Variants in B3GALT1 observed in about 807,000 individuals in gnomAD.
The protein encoded by B3GALT1 is UDP-Gal:betaGlcNAc beta 1,3-galactosyltransferase, polypeptide 1.
B3GALT1 carries 10 observed loss-of-function variants against 23.2 expected under a neutral mutation model. The ratio of observed to expected loss-of-function variants is 0.43; its 90% CI spans 0.27 to 0.73. The LOEUF (loss-of-function observed/expected upper bound fraction) is 0.73, where lower values mean the gene tolerates loss of function less well. Among genes scored for constraint, B3GALT1 ranks in the 30% least tolerant of loss-of-function variants. The pLI is 0.21. For missense variants in B3GALT1, 299 were observed against 405.4 expected, an observed-to-expected ratio of 0.74 and a Z score of 2.25; for synonymous variants, 156 against 141.5, an observed-to-expected ratio of 1.10 and a Z score of -0.73.
intron 3 of B3GALT1, among the ~76,000 whole-genome samples, chr2:167,655,035 A>C (rs562942320): frequency 3.3e-5 from 5 of 152,274 alleles, no homozygotes; most frequent in African/African-American, 1.2e-4. Context: ...AAATTCCATC[A>C]TATAAATCTG....
intron 3 of B3GALT1, among the ~76,000 whole-genome samples, chr2:167,737,723 G>A (rs1352824598): frequency 6.6e-6 from 1 of 152,206 alleles, no homozygotes; most frequent in Non-Finnish European, 1.5e-5. Context: ...TTGGCAATCT[G>A]TGATTCTCTG....
intron 3 of B3GALT1, among the ~76,000 whole-genome samples, chr2:167,749,419 C>G (rs1687699642): frequency 6.6e-6 from 1 of 152,170 alleles, no homozygotes; most frequent in Non-Finnish European, 1.5e-5. Context: ...TACCTTACCC[C>G]ATGTTCCAAC....
chr2:167,651,081 A>T (rs1219612758), intron 3 of B3GALT1, among the ~76,000 whole-genome samples: 1 of 152,018 alleles, frequency 6.6e-6, no homozygotes, highest in East Asian at 1.9e-4. Context: ...TTGTCCTGAG[A>T]TTCTCGGTGA....
chr2:167,785,170 AT>A (rs1688320405), intron 3 of B3GALT1, among the ~76,000 whole-genome samples: 1 of 152,196 alleles, frequency 6.6e-6, no homozygotes, highest in Non-Finnish European at 1.5e-5. Context: ...CAAGATATAA[AT>A]CAAGGCCAAG....
At chr2:167,686,148 T>C (rs1686613756) in intron 3 of B3GALT1, among the ~76,000 whole-genome samples, 1 of 152,340 alleles carries the variant, frequency 6.6e-6, no homozygotes, top group Non-Finnish European at 1.5e-5. Context: ...GATTAGATAG[T>C]ACACTAGGAT....
intron 1 of B3GALT1, among the ~76,000 whole-genome samples, chr2:167,337,397 C>T (rs1300978273): frequency 4.6e-5 from 7 of 152,086 alleles, no homozygotes; most frequent in East Asian, 1.9e-4. Context: ...CACGCACACA[C>T]ACCCACACAC....
intron 1 of B3GALT1, among the ~76,000 whole-genome samples, chr2:167,302,845 A>G (rs562862265): frequency 4.6e-5 from 7 of 152,326 alleles, no homozygotes; most frequent in African/African-American, 1.7e-4. Context: ...AAATCCAAAA[A>G]CAAATATCAT....
intron 3 of B3GALT1, among the ~76,000 whole-genome samples, chr2:167,771,463 C>T (rs1191172664): frequency 2.6e-5 from 4 of 152,116 alleles, no homozygotes; most frequent in African/African-American, 7.2e-5. Context: ...CCCAGCTACT[C>T]GGATGGCTGA....
At chr2:167,670,299 A>T (rs937053360) in intron 3 of B3GALT1, among the ~76,000 whole-genome samples, 1 of 152,218 alleles carries the variant, frequency 6.6e-6, no homozygotes, top group Non-Finnish European at 1.5e-5. Context: ...AAAACATGCA[A>T]TCCTAAGAAT....
At chr2:167,831,107 T>C (rs1447874977) in intron 4 of B3GALT1, among the ~76,000 whole-genome samples, 2 of 152,254 alleles carry the variant, frequency 1.3e-5, no homozygotes, top group South Asian at 2.1e-4. Flanking sequence ...ATCAACTCTT[T>C]GAAATGTCAG....
At chr2:167,837,213 A>G (rs1238577586) in intron 4 of B3GALT1, among the ~76,000 whole-genome samples, 2 of 152,238 alleles carry the variant, frequency 1.3e-5, no homozygotes, top group Non-Finnish European at 2.9e-5. Flanking sequence ...AAATGCTCCA[A>G]TTAAAAGACA....
chr2:167,398,572 C>T (rs1041698615), intron 1 of B3GALT1, among the ~76,000 whole-genome samples: 3 of 152,036 alleles, frequency 2.0e-5, no homozygotes, highest in African/African-American at 7.2e-5. Flanking sequence ...AAGAACAAAG[C>T]CATTGTATGT....
At chr2:167,334,709 T>G (rs1156264840) in intron 1 of B3GALT1, among the ~76,000 whole-genome samples, 1 of 152,224 alleles carries the variant, frequency 6.6e-6, no homozygotes, top group Non-Finnish European at 1.5e-5. Flanking sequence ...TTTATAAATG[T>G]ATAAGAACTA....
At chr2:167,554,260 A>C (rs13409168) in intron 2 of B3GALT1, among the ~76,000 whole-genome samples, 1,537 of 152,298 alleles carry the variant, frequency 0.01, 23 homozygotes, top group African/African-American at 0.035. Flanking sequence ...ATCATGCTTA[A>C]CATGTAGTAA....
intron 1 of B3GALT1, among the ~76,000 whole-genome samples, chr2:167,450,457 A>C (rs999819044): frequency 7.9e-5 from 12 of 152,120 alleles, no homozygotes; most frequent in Non-Finnish European, 1.8e-4. Flanking sequence ...TATGAAGCTT[A>C]GTTTTTGCTG....
At chr2:167,849,270 CA>C (rs1689822522) in intron 4 of B3GALT1, among the ~76,000 whole-genome samples, 1 of 152,114 alleles carries the variant, frequency 6.6e-6, no homozygotes, top group African/African-American at 2.4e-5. Context: ...CCTGCATAGT[CA>C]AAGCAAGACT....
At chr2:167,429,220 G>A (rs1212085110) in intron 1 of B3GALT1, among the ~76,000 whole-genome samples, 2 of 148,874 alleles carry the variant, frequency 1.3e-5, no homozygotes, top group African/African-American at 5.0e-5. Flanking sequence ...GGCAGAGCTT[G>A]CAGTGAGCCG....
In B3GALT1 at chr2:167,293,049, G is replaced by C. The variant is rs1012839026; in HGVS notation, c.-796G>C. On this transcript the variant is annotated 5_prime_UTR_variant, in exon 1 of 5. Coordinates refer to ENST00000392690, the MANE Select transcript of B3GALT1 (RefSeq NM_020981.4). The stretch of plus-strand genomic sequence containing the variant: ...GCCGGGCTCGGGTGCTTCGGCTGCC[G>C]CCGCGGCTGCTCGGCTAGTGCAGCT... 3 of 151,610 alleles carry C rather than the reference G, an allele frequency of 2.0e-5. No homozygotes were observed. Among genetic ancestry groups the C allele is most frequent in the African/African-American group, 7.2e-5 (3 of 41,394 alleles). 9.4% of individuals were successfully genotyped at this position (151,610 alleles called of 1,614,324 possible).
intron 4 of B3GALT1, among the ~76,000 whole-genome samples, chr2:167,856,352 A>G (rs1277025074): frequency 6.6e-6 from 1 of 152,168 alleles, no homozygotes; most frequent in East Asian, 1.9e-4. Flanking sequence ...TGCTGAAAAT[A>G]TGCAGGGCTA....
Sources: gnomAD v4.1 joint callset for allele counts (sites outside exome capture counted in the v4.1 genomes callset) on GRCh38, gnomAD v4.1.1 for gene constraint, MANE v1.5 for transcripts, NCBI Gene and HGNC (gene_info 2026-07-23, HGNC 2026-07-21) for gene names.